Variants in PLD5 observed in about 807,000 individuals in gnomAD.
PLD5 encodes phospholipase D family member 5.
A neutral mutation model predicts 61.1 loss-of-function variants in PLD5; 36 were observed. The ratio of observed to expected loss-of-function variants is 0.59; its 90% CI spans 0.45 to 0.78. The LOEUF is 0.78. Among genes scored for constraint, PLD5 ranks in the 30% least tolerant of loss-of-function variants. PLD5 has a pLI of 0.00. For missense variants in PLD5, 515 were observed against 644.4 expected, an observed-to-expected ratio of 0.80 and a Z score of 2.17; for synonymous variants, 243 against 242.8, an observed-to-expected ratio of 1.00 and a Z score of -0.01.
chr1:242,349,651 G>A (rs893963719), intron 1 of PLD5, among the ~76,000 whole-genome samples: 1 of 152,118 alleles, frequency 6.6e-6, no homozygotes, highest in Admixed American at 6.5e-5. Flanking sequence ...GATAATCTGA[G>A]CCATCTCTCT....
intron 1 of PLD5, among the ~76,000 whole-genome samples, chr1:242,368,450 G>C (rs1253723459): frequency 2.0e-5 from 3 of 152,148 alleles, no homozygotes; most frequent in African/African-American, 7.2e-5. Context: ...AAAGAAAATA[G>C]CTCTCTGCTA....
At chr1:242,307,676 C>G (rs1676459926) in intron 2 of PLD5, among the ~76,000 whole-genome samples, 1 of 147,822 alleles carries the variant, frequency 6.8e-6, no homozygotes, top group African/African-American at 2.7e-5. Flanking sequence ...CAAAACCAGC[C>G]CTGGTATGGA....
At chr1:242,092,226 A>G (rs551531610) in intron 9 of PLD5, among the ~76,000 whole-genome samples, 13 of 152,218 alleles carry the variant, frequency 8.5e-5, no homozygotes, top group Admixed American at 5.2e-4. Flanking sequence ...TCTTGAGCTC[A>G]AGCGATTCTC....
chr1:242,202,132 C>T (rs760405921), intron 5 of PLD5, among the ~76,000 whole-genome samples: 21 of 152,072 alleles, frequency 1.4e-4, no homozygotes, highest in Admixed American at 1.0e-3. Context: ...GAGAATCACT[C>T]GAACCCAGCA....
At chr1:242,211,080 T>C (rs1461440020) in intron 5 of PLD5, among the ~76,000 whole-genome samples, 1 of 152,190 alleles carries the variant, frequency 6.6e-6, no homozygotes, top group Non-Finnish European at 1.5e-5. Context: ...GCAGTAGTTA[T>C]CCAGGAGACC....
intron 1 of PLD5, among the ~76,000 whole-genome samples, chr1:242,361,512 G>A (rs892879802): frequency 2.8e-4 from 42 of 152,084 alleles, no homozygotes; most frequent in African/African-American, 9.9e-4. Flanking sequence ...ATTTAATCAA[G>A]GGAAGCAAGT....
In PLD5 at chr1:242,407,112, C is replaced by T. The variant is rs1021287780; in HGVS notation, c.190-58870G>A. ...GTAGGAGGTAATTGAACCCTGGGGG[C>T]GGGTCTTTCTCATGATAGTGAGTAA... On this transcript the variant is annotated intron_variant, in intron 1 of 9. Coordinates refer to ENST00000536534, the MANE Select transcript of PLD5 (RefSeq NM_001372062.1). Among the ~76,000 whole-genome samples the T allele has an allele frequency of 3.9e-5, 6 of 152,180 alleles. No individual in the cohort carries two copies. In the South Asian group the frequency reaches 6.2e-4, roughly 16 times the overall value.
At chr1:242,386,097 G>T (rs764084445) in intron 1 of PLD5, among the ~76,000 whole-genome samples, 9 of 152,050 alleles carry the variant, frequency 5.9e-5, no homozygotes, top group African/African-American at 9.7e-5. Context: ...CCCCCTACAT[G>T]TGTCTGTCTC....
intron 2 of PLD5, among the ~76,000 whole-genome samples, chr1:242,308,295 A>G (rs1298747396): frequency 6.6e-6 from 1 of 152,148 alleles, no homozygotes; most frequent in East Asian, 1.9e-4. Context: ...ATATAATTAG[A>G]ATCTGCGTGG....
At chr1:242,148,896 CTTAG>C (rs1345191570) in intron 5 of PLD5, among the ~76,000 whole-genome samples, 1 of 151,964 alleles carries the variant, frequency 6.6e-6, no homozygotes, top group African/African-American at 2.4e-5. Context: ...TCTAAACATA[CTTAG>C]TTTTAGTAAC....
chr1:242,215,041 CA>C (rs1482249976), intron 5 of PLD5, among the ~76,000 whole-genome samples: 1,184 of 89,636 alleles, frequency 0.013, 15 homozygotes, highest in African/African-American at 0.039. Context: ...CGTGCCTGGC[CA>C]ATTTTTTTTT....
chr1:242,351,451 A>G (rs916072820), intron 1 of PLD5, among the ~76,000 whole-genome samples: 1 of 152,132 alleles, frequency 6.6e-6, no homozygotes, highest in African/African-American at 2.4e-5. Context: ...GGTTTTTCCC[A>G]TGCGGTTCTC....
chr1:242,151,885 C>A (rs1408083408), intron 5 of PLD5, among the ~76,000 whole-genome samples: 1 of 152,032 alleles, frequency 6.6e-6, no homozygotes, highest in Non-Finnish European at 1.5e-5. Flanking sequence ...TCACAGGAAG[C>A]TGTAAGAAAC....
chr1:242,494,880 G>GTTTT (rs575152311), intron 1 of PLD5, among the ~76,000 whole-genome samples: 1 of 137,224 alleles, frequency 7.3e-6, no homozygotes, highest in Non-Finnish European at 1.6e-5. Flanking sequence ...TTTCTTTTCT[G>GTTTT]TTTTTTTTTT....
intron 5 of PLD5, among the ~76,000 whole-genome samples, chr1:242,134,424 T>A (rs1015435927): frequency 6.6e-6 from 1 of 151,578 alleles, no homozygotes; most frequent in African/African-American, 2.4e-5. Context: ...AAAAAGAAAA[T>A]TTTTAAAAGT....
chr1:242,129,253 A>G (rs1322107976), intron 5 of PLD5, among the ~76,000 whole-genome samples: 2 of 152,228 alleles, frequency 1.3e-5, no homozygotes, highest in East Asian at 1.9e-4. Context: ...AACCTCTGAC[A>G]TCATTCCATT....
At chr1:242,429,952 C>G (rs1263393393) in intron 1 of PLD5, among the ~76,000 whole-genome samples, 1 of 150,380 alleles carries the variant, frequency 6.6e-6, no homozygotes, top group East Asian at 1.9e-4. Context: ...TGCCCCAACA[C>G]AGACATACAA....
chr1:242,097,658 A>T (rs1019886620), intron 9 of PLD5, among the ~76,000 whole-genome samples: 92 of 152,146 alleles, frequency 6.0e-4, no homozygotes, highest in African/African-American at 2.2e-3. Context: ...CCTTTGTCAG[A>T]TGAGTAGATT....
chr1:242,088,801 A>C lies in PLD5; in HGVS notation c.*1053T>G, dbSNP rs562300260. 1 of 152,478 alleles carries C rather than the reference A, an allele frequency of 6.6e-6. No individual in the cohort carries two copies. Among genetic ancestry groups the C allele is most frequent in the East Asian group, 1.9e-4 (1 of 5,198 alleles). The allele number at this position is 152,478 out of a possible 1,614,324, so 9.4% of individuals were successfully genotyped here. On this transcript the variant is annotated 3_prime_UTR_variant, in exon 10 of 10. Coordinates refer to ENST00000536534, the MANE Select transcript of PLD5 (RefSeq NM_001372062.1). Reference sequence around the variant, plus strand: ...AAAATATGTTAAGCACAGTATTTAAATTGCATTTCTCTGAAAAGCATTTGG... The same window carrying C: ...AAAATATGTTAAGCACAGTATTTAACTTGCATTTCTCTGAAAAGCATTTGG...
Sources: allele counts gnomAD v4.1 joint callset (sites outside exome capture counted in the v4.1 genomes callset), GRCh38; gene constraint gnomAD v4.1.1; transcripts MANE v1.5; gene names NCBI Gene and HGNC (gene_info 2026-07-23, HGNC 2026-07-21).